The following RAD51B variants were observed in gnomAD, a reference collection of about 807,000 sequenced individuals.
RAD51B encodes the protein DNA repair protein RAD51 homolog 2.
Under a neutral mutation model 42.2 loss-of-function variants are expected in RAD51B, and 38 were observed. That is an observed-to-expected ratio of 0.90 (90% CI 0.70 to 1.18). The LOEUF (loss-of-function observed/expected upper bound fraction) is 1.18. Ranked by LOEUF, RAD51B falls within the 50% of genes most tolerant of loss-of-function variation. The pLI, the probability that RAD51B is intolerant of heterozygous loss-of-function variation, is 0.00. For missense variants in RAD51B, 373 were observed against 400.7 expected, an observed-to-expected ratio of 0.93 and a Z score of 0.59; for synonymous variants, 154 against 145.2, an observed-to-expected ratio of 1.06 and a Z score of -0.43.
At chr14:68,063,353 G>T (rs977811305) in intron 7 of RAD51B, among the ~76,000 whole-genome samples, 1 of 152,252 alleles carries the variant, frequency 6.6e-6, no homozygotes, top group East Asian at 1.9e-4. Flanking sequence ...TTGGATAATG[G>T]GGGTGAATTT....
chr14:68,004,332 C>CAAAA (rs767211363), intron 7 of RAD51B, among the ~76,000 whole-genome samples: 1 of 57,498 alleles, frequency 1.7e-5, no homozygotes, highest in African/African-American at 4.9e-5. Context: ...GACTCCGTCT[C>CAAAA]AAAAAAAAAA....
chr14:67,941,198 C>G (rs1322746981), intron 7 of RAD51B, among the ~76,000 whole-genome samples: 5 of 152,160 alleles, frequency 3.3e-5, no homozygotes, highest in Non-Finnish European at 2.9e-5. Context: ...AAAAAAACAG[C>G]ATTAAAAATA....
intron 4 of RAD51B, among the ~76,000 whole-genome samples, chr14:67,839,826 G>A (rs1482401545): frequency 6.6e-6 from 1 of 151,568 alleles, no homozygotes. Flanking sequence ...AATTTTTCTT[G>A]AAGCATTCTA....
At position 68,575,643 on chromosome 14, in the gene RAD51B, G is replaced by C. The variant is rs541483890; in HGVS notation, c.1037-18842G>C. On this transcript the variant is annotated intron_variant, in intron 10 of 10. Transcript: ENST00000487270. The stretch of plus-strand genomic sequence containing the variant: ...AATGGGGATTCTCCCAATGAGGAAG[G>C]CTCAGCAACTCCCAGGGCCCCTGAC... Among the ~76,000 whole-genome samples, 4 of 152,256 alleles carry C rather than the reference G, an allele frequency of 2.6e-5. No homozygotes were observed. The South Asian group carries it at 8.3e-4, about 32-fold the overall frequency.
At chr14:68,416,316 G>A (rs939507050) in intron 9 of RAD51B, among the ~76,000 whole-genome samples, 16 of 152,056 alleles carry the variant, frequency 1.1e-4, no homozygotes, top group African/African-American at 2.7e-4. Context: ...GCTGTGATCC[G>A]TCCCTCTTCC....
chr14:67,939,286 A>G (rs987548591), intron 7 of RAD51B, among the ~76,000 whole-genome samples: 1 of 152,202 alleles, frequency 6.6e-6, no homozygotes, highest in Admixed American at 6.5e-5. Context: ...ATACATGTAG[A>G]TACCCAATAT....
chr14:67,853,289 C>T (rs888151975), intron 4 of RAD51B, among the ~76,000 whole-genome samples: 5 of 152,196 alleles, frequency 3.3e-5, no homozygotes. Context: ...CCTTGTAAGA[C>T]CTTAAGCAGA....
chr14:68,403,013 C>T (rs1288666233), intron 8 of RAD51B, among the ~76,000 whole-genome samples: 1 of 152,176 alleles, frequency 6.6e-6, no homozygotes, highest in Non-Finnish European at 1.5e-5. Flanking sequence ...CAGCAGCTGG[C>T]CACAGGCTAT....
At chr14:68,425,956 CTTTCT>C (rs1566876395) in intron 9 of RAD51B, among the ~76,000 whole-genome samples, 2 of 104,766 alleles carry the variant, frequency 1.9e-5, no homozygotes, top group African/African-American at 7.5e-5. Flanking sequence ...TTCTTTCTTT[CTTTCT>C]TTCTTTCTTT....
At chr14:68,428,881 ATC>A in intron 9 of RAD51B, among the ~76,000 whole-genome samples, 1 of 150,990 alleles carries the variant, frequency 6.6e-6, no homozygotes, top group Non-Finnish European at 1.5e-5. Context: ...CATTAGGTAT[ATC>A]TCCTAATGCT....
At chr14:68,479,500 G>T (rs1370027227), downstream of RAD51B, among the ~76,000 whole-genome samples, 1 of 152,144 alleles carries the variant, frequency 6.6e-6, no homozygotes, top group Non-Finnish European at 1.5e-5. Context: ...GGACAGAGAA[G>T]AATCTGAACA....
chr14:68,549,976 G>C (rs1304338389), intron 10 of RAD51B, among the ~76,000 whole-genome samples: 1 of 152,208 alleles, frequency 6.6e-6, no homozygotes, highest in South Asian at 2.1e-4. Context: ...AGTGGTGGTG[G>C]AGGATTGGGG....
At chr14:68,271,956 G>A (rs997396873) in intron 7 of RAD51B, among the ~76,000 whole-genome samples, 4 of 152,196 alleles carry the variant, frequency 2.6e-5, no homozygotes, top group African/African-American at 7.2e-5. Flanking sequence ...GGGGAAGTAA[G>A]GCAAATGCAT....
chr14:68,346,351 A>G (rs1476682542), intron 8 of RAD51B, among the ~76,000 whole-genome samples: 1 of 152,230 alleles, frequency 6.6e-6, no homozygotes, highest in African/African-American at 2.4e-5. Context: ...TTTTAAGCAA[A>G]AAAGATCCCA....
At chr14:67,885,101 T>G (rs2043023996) in intron 5 of RAD51B, among the ~76,000 whole-genome samples, 1 of 152,224 alleles carries the variant, frequency 6.6e-6, no homozygotes, top group African/African-American at 2.4e-5. Flanking sequence ...TCATTTAAAA[T>G]GAAATGTGAT....
At chr14:68,665,445 T>A (rs1299763889) in intron 11 of RAD51B, among the ~76,000 whole-genome samples, 2 of 152,256 alleles carry the variant, frequency 1.3e-5, no homozygotes, top group African/African-American at 4.8e-5. Flanking sequence ...TCCCTATTAG[T>A]CATATGTGTG....
chr14:68,539,751 C>A (rs1296489144), intron 10 of RAD51B, among the ~76,000 whole-genome samples: 1 of 152,216 alleles, frequency 6.6e-6, no homozygotes, highest in African/African-American at 2.4e-5. Context: ...CATTCTTTGG[C>A]CGCTGTCAGC....
intron 10 of RAD51B, among the ~76,000 whole-genome samples, chr14:68,617,542 T>C (rs1276345525): frequency 6.6e-6 from 1 of 152,202 alleles, no homozygotes; most frequent in Admixed American, 6.5e-5. Flanking sequence ...GAGCTTTTTT[T>C]ACATGGTCCC....
chr14:68,150,204 A>C (rs953888523), intron 7 of RAD51B, among the ~76,000 whole-genome samples: 6 of 152,250 alleles, frequency 3.9e-5, no homozygotes, highest in African/African-American at 1.4e-4. Context: ...TTGGCCTCAC[A>C]AAGTGTTGGG....
Sources: gnomAD v4.1 joint callset for allele counts (sites outside exome capture counted in the v4.1 genomes callset) on GRCh38, gnomAD v4.1.1 for gene constraint, MANE v1.5 for transcripts, NCBI Gene and HGNC (gene_info 2026-07-23, HGNC 2026-07-21) for gene names.